The following RBM20 variants were observed in gnomAD, a reference collection of about 807,000 sequenced individuals.
RBM20 encodes the protein RNA-binding protein 20.
In RBM20, 51 loss-of-function variants were observed where a neutral mutation model predicts 110.1. The observed-to-expected ratio is 0.46, with a 90% CI of 0.37 to 0.59. The LOEUF is 0.59. Among genes scored for constraint, RBM20 ranks in the 20% least tolerant of loss-of-function variants. The pLI is 0.00. For missense variants in RBM20, 1,512 were observed against 1,574.9 expected, an observed-to-expected ratio of 0.96 and a Z score of 0.68; for synonymous variants, 589 against 618.2, an observed-to-expected ratio of 0.95 and a Z score of 0.70.
chr10:110,666,175 G>A (rs928895229), intron 1 of RBM20, among the ~76,000 whole-genome samples: 15 of 152,186 alleles, frequency 9.9e-5, no homozygotes, highest in Non-Finnish European at 1.5e-4. Flanking sequence ...TTTTGAAGCT[G>A]GGTGGTGAGT....
intron 12 of RBM20, among the ~76,000 whole-genome samples, chr10:110,824,688 T>C (rs1053427455): frequency 1.3e-5 from 2 of 152,136 alleles, no homozygotes; most frequent in Non-Finnish European, 2.9e-5. Context: ...TTTAAGAAAG[T>C]TCCCTGGGAG....
At chr10:110,756,739 AC>A (rs1843926847) in intron 1 of RBM20, 1 of 152,198 alleles carries the variant, frequency 6.6e-6, no homozygotes, top group Non-Finnish European at 1.5e-5. Context: ...CAGGTCTTAT[AC>A]AACCTTGTGG....
chr10:110,765,642 ATC>A (rs1240555506), intron 1 of RBM20, among the ~76,000 whole-genome samples: 1 of 152,128 alleles, frequency 6.6e-6, no homozygotes, highest in African/African-American at 2.4e-5. Context: ...TCATTTCTCT[ATC>A]TGATGCAATT....
At chr10:110,653,515 ATC>A (rs2134809723) in intron 1 of RBM20, among the ~76,000 whole-genome samples, 1 of 147,420 alleles carries the variant, frequency 6.8e-6, no homozygotes, top group African/African-American at 2.5e-5. Flanking sequence ...TTGTCAGATA[ATC>A]TCTCATATAG....
At chr10:110,700,835 G>T (rs1485087496) in intron 1 of RBM20, among the ~76,000 whole-genome samples, 4 of 152,098 alleles carry the variant, frequency 2.6e-5, no homozygotes, top group African/African-American at 9.7e-5. Flanking sequence ...GGCCAACATG[G>T]TGAAAGCCTG....
intron 1 of RBM20, among the ~76,000 whole-genome samples, chr10:110,711,237 G>A (rs1296433009): frequency 6.7e-6 from 1 of 148,924 alleles, no homozygotes; most frequent in Non-Finnish European, 1.5e-5. Context: ...GGCTGAGATA[G>A]GAGAATTGCT....
intron 12 of RBM20, among the ~76,000 whole-genome samples, chr10:110,829,993 C>G (rs1343947179): frequency 6.6e-6 from 1 of 152,242 alleles, no homozygotes; most frequent in African/African-American, 2.4e-5. Flanking sequence ...CTGCTTCTCA[C>G]AGCCCTCACA....
chr10:110,733,260 T>A lies in RBM20; in HGVS notation c.192-47541T>A, dbSNP rs1289366522. Among the ~76,000 whole-genome samples, 3 of 152,352 alleles carry A rather than the reference T, an allele frequency of 2.0e-5. No individual in the cohort carries two copies. In the East Asian group the frequency reaches 5.8e-4, roughly 29 times the overall value. On this transcript the variant is annotated intron_variant, in intron 1 of 13. Coordinates refer to ENST00000369519, the MANE Select transcript of RBM20 (RefSeq NM_001134363.3). ...GCTGGTTCATGGTGTCTCAATTCAG[T>A]TCATCCCCGTCCCCAACCCTGATAT... is the stretch of plus-strand genomic sequence containing the variant.
chr10:110,787,701 C>T (rs1034177975), intron 5 of RBM20, among the ~76,000 whole-genome samples: 3 of 152,186 alleles, frequency 2.0e-5, no homozygotes, highest in African/African-American at 4.8e-5. Context: ...CCACTTCCTC[C>T]GAACACCTAG....
intron 1 of RBM20, among the ~76,000 whole-genome samples, chr10:110,724,103 T>G (rs11195284): frequency 4.6e-5 from 7 of 151,926 alleles, no homozygotes; most frequent in Non-Finnish European, 7.4e-5. Context: ...GTCAGGTCTA[T>G]TGACTTCAGG....
At chr10:110,699,422 C>T (rs1357475697) in intron 1 of RBM20, among the ~76,000 whole-genome samples, 4 of 151,900 alleles carry the variant, frequency 2.6e-5, no homozygotes, top group Non-Finnish European at 5.9e-5. Context: ...CAGGCGCTGA[C>T]CACCACGCCT....
chr10:110,656,119 G>C (rs1862023601), intron 1 of RBM20, among the ~76,000 whole-genome samples: 1 of 152,070 alleles, frequency 6.6e-6, no homozygotes, highest in Non-Finnish European at 1.5e-5. Flanking sequence ...TGGCCAACAT[G>C]GTGAAACTCC....
At chr10:110,743,776 C>T (rs1323569818) in intron 1 of RBM20, among the ~76,000 whole-genome samples, 2 of 152,080 alleles carry the variant, frequency 1.3e-5, no homozygotes, top group Non-Finnish European at 2.9e-5. Flanking sequence ...CCATCACACC[C>T]GGCTAATTTT....
chr10:110,711,329 CAAA>C lies in RBM20; in HGVS notation c.191+66710_191+66712del, dbSNP rs1157753270. Among the ~76,000 whole-genome samples, 254 of 28,310 alleles carry C rather than the reference CAAA, an allele frequency of 9.0e-3. 2 individuals carry two copies. The highest frequency in any genetic ancestry group is 0.038 in the African/African-American group (235 of 6,116). The allele number at this position is 28,310 out of a possible 152,430, so 18.6% of individuals were successfully genotyped here. ...TGGGAGACAGAGTGAGACTCCATCT[CAAA>C]AAAAAAAAAAAAAAAAAAAAAAAAA... is the stretch of plus-strand genomic sequence containing the variant. On this transcript the variant is annotated intron_variant, in intron 1 of 13. Coordinates refer to ENST00000369519, the MANE Select transcript of RBM20 (RefSeq NM_001134363.3).
intron 1 of RBM20, among the ~76,000 whole-genome samples, chr10:110,780,096 T>G (rs896561798): frequency 3.3e-5 from 5 of 152,148 alleles, no homozygotes; most frequent in Admixed American, 6.5e-5. Flanking sequence ...CAAGGGAGAT[T>G]TATCGTATTG....
intron 1 of RBM20, among the ~76,000 whole-genome samples, chr10:110,668,758 T>C (rs745685508): frequency 6.6e-6 from 1 of 151,974 alleles, no homozygotes; most frequent in Non-Finnish European, 1.5e-5. Context: ...GAGGGGAGGG[T>C]AGAGGCAGAG....
chr10:110,691,777 A>T (rs934348809), intron 1 of RBM20, among the ~76,000 whole-genome samples: 1 of 152,104 alleles, frequency 6.6e-6, no homozygotes, highest in African/African-American at 2.4e-5. Context: ...TTTAATTTTT[A>T]TGAACTTCAA....
At chr10:110,723,878 A>T (rs774331255) in intron 1 of RBM20, among the ~76,000 whole-genome samples, 8 of 152,182 alleles carry the variant, frequency 5.3e-5, no homozygotes, top group Non-Finnish European at 8.8e-5. Flanking sequence ...TTCAGTTCAT[A>T]TGAAATTCCT....
At chr10:110,656,210 G>A (rs1590598161) in intron 1 of RBM20, among the ~76,000 whole-genome samples, 1 of 152,110 alleles carries the variant, frequency 6.6e-6, no homozygotes, top group South Asian at 2.1e-4. Context: ...GCTGAGGCAG[G>A]AGAATCGTTT....
Sources: allele counts gnomAD v4.1 joint callset (sites outside exome capture counted in the v4.1 genomes callset), GRCh38; gene constraint gnomAD v4.1.1; transcripts MANE v1.5; gene names NCBI Gene and HGNC (gene_info 2026-07-23, HGNC 2026-07-21).